Variants in MACROH2A1 observed in about 807,000 individuals in gnomAD.
MACROH2A1 encodes core histone macro-H2A.1.
In MACROH2A1, 2 loss-of-function variants were observed where a neutral mutation model predicts 31.6. That is an observed-to-expected ratio of 0.06 (90% CI 0.03 to 0.20). MACROH2A1 has a LOEUF of 0.20. Ranked by LOEUF, MACROH2A1 falls within the 10% of genes least tolerant of loss-of-function variation. The pLI, the probability that MACROH2A1 is intolerant of heterozygous loss-of-function variation, is 1.00. For missense variants in MACROH2A1, 230 were observed against 474.0 expected (o/e 0.49, Z 4.78); for synonymous variants, 169 against 189.6 (o/e 0.89, Z 0.89).
At chr5:135,346,400 T>C (rs1581162057) in intron 6 of MACROH2A1, 1 of 262,952 alleles carries the variant, frequency 3.8e-6, no homozygotes, top group East Asian at 9.7e-5. Flanking sequence ...CATGAGATAC[T>C]AGCTGGTACT....
At position 135,340,464 on chromosome 5, in the gene MACROH2A1, G is replaced by A. The variant is rs577923650; in HGVS notation, c.953+2796C>T. On this transcript the variant is annotated intron_variant, in intron 8 of 8. Coordinates refer to ENST00000511689, the MANE Select transcript of MACROH2A1 (RefSeq NM_138610.3). Reference sequence around the variant, plus strand: ...AGTATTCCCTATGTACTACCCCTCTGGAGAGGGGTCACCCCTAATGTGAAA... The same window carrying A: ...AGTATTCCCTATGTACTACCCCTCTAGAGAGGGGTCACCCCTAATGTGAAA... 5.2e-4 allele frequency among the ~76,000 whole-genome samples: 79 copies of A among 152,304 alleles called. No homozygotes were observed. In the South Asian group the frequency reaches 9.3e-3, roughly 18 times the overall value.
At chr5:135,383,940 T>C (rs1354657473) in intron 2 of MACROH2A1, among the ~76,000 whole-genome samples, 2 of 152,186 alleles carry the variant, frequency 1.3e-5, no homozygotes, top group Non-Finnish European at 2.9e-5. Flanking sequence ...CCTAGAGCCT[T>C]GGAGCATCAA....
At chr5:135,346,181 G>A (rs958506557) in intron 6 of MACROH2A1, 124 bp from the exon 7 acceptor site, 2 of 701,692 alleles carry the variant, frequency 2.9e-6, no homozygotes, top group African/African-American at 3.5e-5. Context: ...TGCAAAACAG[G>A]AACTAAGCCT....
At position 135,369,789 on chromosome 5, in the gene MACROH2A1, C is replaced by T. The variant is rs1370443995; in HGVS notation, c.280-186G>A. ...GGGATCCAGTCCCCAGAGTCCCTCA[C>T]TCAAATGGAATTTAGATCATCTCTC... On this transcript the variant is annotated intron_variant, in intron 3 of 8. Coordinates refer to ENST00000511689, the MANE Select transcript of MACROH2A1 (RefSeq NM_138610.3). The surrounding 1 kb of genome is among the most constrained non-coding windows in gnomAD (Gnocchi z 4.3). Among the ~76,000 whole-genome samples, 1 of 152,182 alleles carries T rather than the reference C, an allele frequency of 6.6e-6. No homozygotes were observed. Among genetic ancestry groups the T allele is most frequent in the Non-Finnish European group, 1.5e-5 (1 of 68,040 alleles).
In MACROH2A1 at chr5:135,369,901, C is replaced by T; in HGVS notation, c.279+135G>A. The T allele has an allele frequency of 1.6e-6, 1 of 642,526 alleles. No individual in the cohort carries two copies. The highest frequency in any genetic ancestry group is 2.7e-6 in the Non-Finnish European group (1 of 367,104). The allele number at this position is 642,526 out of a possible 1,614,324, so 39.8% of individuals were successfully genotyped here. A position where few individuals can be genotyped will look rare whatever the true frequency, so the allele number is the denominator to read the frequency against. On this transcript the variant is annotated intron_variant, in intron 3 of 8. Transcript: ENST00000511689. The surrounding 1 kb of genome is among the most constrained non-coding windows in gnomAD (Gnocchi z 4.3). ...CTTGGGGAAAAACTGCCATGGGAGG[C>T]AGAGAAGCTGCTAATTAATCCAAAA...
intron 5 of MACROH2A1, chr5:135,354,902 G>A: frequency 2.7e-6 from 1 of 369,134 alleles, no homozygotes; most frequent in Non-Finnish European, 5.3e-6. Flanking sequence ...GCAGGAGGTT[G>A]GTGAGGAAGG....
At chr5:135,366,466 C>T (rs1763512699) in intron 4 of MACROH2A1, among the ~76,000 whole-genome samples, 1 of 151,956 alleles carries the variant, frequency 6.6e-6, no homozygotes, top group Non-Finnish European at 1.5e-5. Context: ...AACTGAACAC[C>T]AGAGATGTTC....
intron 4 of MACROH2A1, among the ~76,000 whole-genome samples, chr5:135,363,777 G>GT (rs1190774119): frequency 6.6e-6 from 1 of 152,176 alleles, no homozygotes; most frequent in African/African-American, 2.4e-5. Context: ...GGTTGAACTA[G>GT]TTTACACTCT....
In MACROH2A1 at chr5:135,389,088, C is replaced by T. The variant is rs1403519232; in HGVS notation, c.6G>A (p.Ser2=). M[S]SRGGKKKSTK... is the part of the protein sequence containing the mutation. ...TGGACTTCTTCTTCCCACCGCGGCT[C>T]GACATGGCGGTGGCCCTGGAGGCGG... is the stretch of plus-strand genomic sequence containing the variant. The change falls in exon 2 of 9, where the codon TCG becomes TCA. Residue 2 remains serine, a synonymous_variant. Transcript: ENST00000511689. 8.1e-6 allele frequency: 13 copies of T among 1,612,782 alleles called. No individual in the cohort carries two copies. Among genetic ancestry groups the T allele is most frequent in the Admixed American group, 1.7e-5 (1 of 59,988 alleles).
chr5:135,344,999 T>A (rs777514812), intron 7 of MACROH2A1: 2 of 152,234 alleles, frequency 1.3e-5, no homozygotes, highest in Non-Finnish European at 2.9e-5. Context: ...CAGCTGCCCC[T>A]GGCTAGGTAG....
intron 5 of MACROH2A1, chr5:135,353,367 C>A: frequency 3.1e-6 from 1 of 323,104 alleles, no homozygotes. Context: ...AGGCAGCTAT[C>A]AGGACCTAGA....
At chr5:135,356,834 GT>G (rs1265780914) in intron 5 of MACROH2A1, 1 of 152,194 alleles carries the variant, frequency 6.6e-6, no homozygotes, top group Non-Finnish European at 1.5e-5. Context: ...CCCAATTTTA[GT>G]TAATGAAAGT....
At chr5:135,361,244 TGA>T (rs1762810780) in intron 4 of MACROH2A1, 1 of 158,004 alleles carries the variant, frequency 6.3e-6, no homozygotes, top group African/African-American at 2.4e-5. Context: ...AAGGAACTTC[TGA>T]GAGAGGTACA....
chr5:135,377,190 G>A (rs1032719687), intron 2 of MACROH2A1, among the ~76,000 whole-genome samples: 5 of 152,152 alleles, frequency 3.3e-5, no homozygotes, highest in Non-Finnish European at 7.4e-5. Context: ...AGAAGTCAAG[G>A]CCCTGGGAAG....
intron 8 of MACROH2A1, among the ~76,000 whole-genome samples, chr5:135,340,169 C>G (rs1168979372): frequency 6.6e-6 from 1 of 152,080 alleles, no homozygotes; most frequent in Non-Finnish European, 1.5e-5. Context: ...AGCTCTGAAG[C>G]GAAGGGCTTC....
At chr5:135,343,655 G>A (rs111249916) in intron 7 of MACROH2A1, 4 of 638,934 alleles carry the variant, frequency 6.3e-6, no homozygotes, top group African/African-American at 3.7e-5. Flanking sequence ...TCACCACCAG[G>A]AATTTTGACC....
intron 8 of MACROH2A1, among the ~76,000 whole-genome samples, chr5:135,337,557 TC>T (rs1430597026): frequency 6.6e-6 from 1 of 152,266 alleles, no homozygotes; most frequent in African/African-American, 2.4e-5. Context: ...TTTCTATTCC[TC>T]TACATCAATA....
intron 2 of MACROH2A1, among the ~76,000 whole-genome samples, chr5:135,370,414 G>C (rs1764033388): frequency 6.6e-6 from 1 of 152,208 alleles, no homozygotes; most frequent in East Asian, 1.9e-4. Flanking sequence ...GTGAGTGAGT[G>C]GGAGGGCTGA....
At chr5:135,359,154 G>T in intron 5 of MACROH2A1, 1 of 983,916 alleles carries the variant, frequency 1.0e-6, no homozygotes, top group African/African-American at 1.8e-5. Context: ...GCTGGCAGGA[G>T]GTAACAAGAA....
Sources: gnomAD v4.1 joint callset for allele counts (sites outside exome capture counted in the v4.1 genomes callset) on GRCh38, gnomAD v4.1.1 for gene constraint, Gnocchi (gnomAD v3.1) non-coding constraint, MANE v1.5 for transcripts, NCBI Gene and HGNC (gene_info 2026-07-23, HGNC 2026-07-21) for gene names.